EMC2: variants seen among roughly 807,000 people sequenced by gnomAD.
EMC2 encodes the protein TPR repeat protein 35.
Under a neutral mutation model 51.6 loss-of-function variants are expected in EMC2, and 37 were observed. The observed-to-expected ratio is 0.72, with a 90% CI of 0.55 to 0.94. The LOEUF (loss-of-function observed/expected upper bound fraction) is 0.94. EMC2 is among the 40% of genes least tolerant of loss of function. EMC2 has a pLI of 0.00. For missense variants in EMC2, 359 were observed against 350.9 expected, an observed-to-expected ratio of 1.02 and a Z score of -0.18; for synonymous variants, 131 against 112.4, an observed-to-expected ratio of 1.17 and a Z score of -1.04.
chr8:108,476,852 T>A lies in EMC2; in HGVS notation c.662T>A (p.Leu221Gln), dbSNP rs761577621. 6.9e-6 allele frequency: 11 copies of A among 1,602,312 alleles called. No homozygotes were observed. The highest frequency in any genetic ancestry group is 1.1e-5 in the South Asian group (1 of 90,766). ...AAGTATTTTGCACAGGCATTGAAAC[T>A]GAACAACAGAAATATGAGAGCTTTG... Reference protein sequence around the residue: ...SRKYFAQALKLNNRNMRALFG... With the variant: ...SRKYFAQALKQNNRNMRALFG... Residue 221 changes from leucine (L) to glutamine (Q), a missense_variant, in exon 9 of 11, where the codon CTG (leucine) becomes CAG (glutamine). Physicochemically the swap from Leu to Gln is moderately radical, Grantham distance 113 (BLOSUM62 -2). Coordinates refer to ENST00000220853, the MANE Select transcript of EMC2 (RefSeq NM_014673.5).
intron 5 of EMC2, among the ~76,000 whole-genome samples, chr8:108,457,374 C>A (rs910556066): frequency 3.4e-5 from 4 of 117,600 alleles, no homozygotes; most frequent in African/African-American, 1.3e-4. Flanking sequence ...GTGTGTGTGT[C>A]TATGTATTAG....
At chr8:108,452,061 A>G (rs1035478452) in intron 3 of EMC2, among the ~76,000 whole-genome samples, 1 of 152,220 alleles carries the variant, frequency 6.6e-6, no homozygotes, top group African/African-American at 2.4e-5. Flanking sequence ...AATATGCTTC[A>G]GTGGACTATT....
intron 7 of EMC2, among the ~76,000 whole-genome samples, chr8:108,473,539 GA>G (rs1164955961): frequency 6.6e-6 from 1 of 151,992 alleles, no homozygotes; most frequent in Non-Finnish European, 1.5e-5. Context: ...TTCACATTAT[GA>G]AAGACAAATT....
In EMC2 at chr8:108,485,459, A is replaced by G. The variant is rs558210677; in HGVS notation, c.808-1053A>G. On this transcript the variant is annotated intron_variant, in intron 10 of 10. Transcript: ENST00000220853. ...ATATATAATTAATATATATACATAT[A>G]TATAATATATATAGGTAACATATAT... Among the ~76,000 whole-genome samples the G allele has an allele frequency of 6.8e-5, 10 of 146,012 alleles. No homozygotes were observed. The South Asian group carries it at 1.9e-3, about 28-fold the overall frequency.
chr8:108,481,666 A>G (rs755045846), intron 10 of EMC2, among the ~76,000 whole-genome samples: 25 of 152,158 alleles, frequency 1.6e-4, no homozygotes, highest in Non-Finnish European at 3.4e-4. Context: ...AGTGACTAAT[A>G]TAAGGTAAAT....
chr8:108,486,279 C>T (rs1412659366), intron 10 of EMC2, among the ~76,000 whole-genome samples: 2 of 151,850 alleles, frequency 1.3e-5, no homozygotes, highest in Non-Finnish European at 2.9e-5. Context: ...AACACTTAAA[C>T]TGGCCAAGTG....
At chr8:108,459,808 A>C (rs1280511950) in intron 5 of EMC2, among the ~76,000 whole-genome samples, 3 of 151,808 alleles carry the variant, frequency 2.0e-5, no homozygotes, top group Non-Finnish European at 4.4e-5. Context: ...AGATTCTCAG[A>C]ATATAGAAAG....
intron 5 of EMC2, among the ~76,000 whole-genome samples, chr8:108,464,428 C>T (rs1480282030): frequency 6.6e-6 from 1 of 152,178 alleles, no homozygotes; most frequent in Non-Finnish European, 1.5e-5. Context: ...AGGCCCTGAG[C>T]TACCTCCAGT....
At position 108,488,866 on chromosome 8, in the gene EMC2, C is replaced by T. The variant is rs930971226; in HGVS notation, c.*2268C>T. Among the ~76,000 whole-genome samples, 1 of 152,204 alleles carries T rather than the reference C, an allele frequency of 6.6e-6. No homozygotes were observed. Among genetic ancestry groups the T allele is most frequent in the African/African-American group, 2.4e-5 (1 of 41,446 alleles). On this transcript the variant is annotated 3_prime_UTR_variant, in exon 11 of 11. Transcript: ENST00000220853. The stretch of plus-strand genomic sequence containing the variant: ...ATATTGAGTACTTGATATGTGACTA[C>T]TGCAATTGAGAAATTGAATGAAATG...
chr8:108,446,376 C>A, intron 1 of EMC2: 1 of 344,080 alleles, frequency 2.9e-6, no homozygotes, highest in Non-Finnish European at 5.9e-6. Flanking sequence ...TAGTAATTTA[C>A]AGATTGAATT....
In EMC2 at chr8:108,449,955, T is replaced by C. The variant is rs1429368423; in HGVS notation, c.154+19T>C. On this transcript the variant is annotated intron_variant, in intron 2 of 10. Coordinates refer to ENST00000220853, the MANE Select transcript of EMC2 (RefSeq NM_014673.5). Reference sequence around the variant, plus strand: ...GATGATAGTAAGTTCTTTTATTACATTCAGGCTCAGTACATGCCTCATTCA... The same window carrying C: ...GATGATAGTAAGTTCTTTTATTACACTCAGGCTCAGTACATGCCTCATTCA... 16 of 1,201,374 alleles carry C rather than the reference T, an allele frequency of 1.3e-5. No individual in the cohort carries two copies. Among genetic ancestry groups the C allele is most frequent in the Non-Finnish European group, 1.8e-5 (15 of 815,270 alleles). The allele number at this position is 1,201,374 out of a possible 1,614,324, so 74.4% of individuals were successfully genotyped here. A position where few individuals can be genotyped will look rare whatever the true frequency, so the allele number is the denominator to read the frequency against.
At chr8:108,443,796 T>C in intron 1 of EMC2, 98 bp downstream of exon 1, 1 of 1,082,644 alleles carries the variant, frequency 9.2e-7, no homozygotes, top group Non-Finnish European at 1.4e-6. Context: ...TCTGGTGTCT[T>C]TTTGGTACCA....
intron 5 of EMC2, among the ~76,000 whole-genome samples, chr8:108,458,051 C>T (rs1819211990): frequency 6.6e-6 from 1 of 152,200 alleles, no homozygotes; most frequent in Non-Finnish European, 1.5e-5. Context: ...CTACAGGCCC[C>T]ATGCAAGTCT....
At chr8:108,464,590 C>T (rs930490717) in intron 5 of EMC2, among the ~76,000 whole-genome samples, 2 of 152,196 alleles carry the variant, frequency 1.3e-5, no homozygotes, top group Middle Eastern at 3.2e-3. Context: ...GGGGTTGGTA[C>T]GGAGGACCAG....
intron 5 of EMC2, among the ~76,000 whole-genome samples, chr8:108,461,399 A>T (rs1337482700): frequency 6.6e-6 from 1 of 152,190 alleles, no homozygotes. Flanking sequence ...GCTTCTAGTG[A>T]GGTAGCATGA....
intron 10 of EMC2, among the ~76,000 whole-genome samples, chr8:108,480,475 T>C (rs1008848552): frequency 3.9e-5 from 6 of 152,144 alleles, no homozygotes; most frequent in Non-Finnish European, 8.8e-5. Context: ...TTCTTAGAAC[T>C]GAGTATGAAT....
intron 5 of EMC2, among the ~76,000 whole-genome samples, chr8:108,464,775 CTG>C (rs1819427399): frequency 6.6e-6 from 1 of 152,224 alleles, no homozygotes; most frequent in Non-Finnish European, 1.5e-5. Context: ...AACAATGCTG[CTG>C]AATACACCCG....
chr8:108,454,119 G>A (rs1303513962), intron 4 of EMC2, among the ~76,000 whole-genome samples: 2 of 151,996 alleles, frequency 1.3e-5, no homozygotes, highest in African/African-American at 4.8e-5. Context: ...AGAGGGTTTT[G>A]TGTAGACAGC....
At chr8:108,460,651 A>G (rs1193534031) in intron 5 of EMC2, among the ~76,000 whole-genome samples, 16 of 152,212 alleles carry the variant, frequency 1.1e-4, no homozygotes, top group South Asian at 2.1e-4. Context: ...TTTTGTGTTT[A>G]GAGTTGGATC....
Sources: gnomAD v4.1 joint callset for allele counts (sites outside exome capture counted in the v4.1 genomes callset) on GRCh38, gnomAD v4.1.1 for gene constraint, MANE v1.5 for transcripts, NCBI Gene and HGNC (gene_info 2026-07-23, HGNC 2026-07-21) for gene names.